The following GNA14 variants were observed in gnomAD, a reference collection of about 807,000 sequenced individuals.
The protein encoded by GNA14 is G protein subunit alpha 14.
In GNA14, 50 loss-of-function variants were observed where a neutral mutation model predicts 42.0. The ratio of observed to expected loss-of-function variants is 1.19; its 90% CI spans 0.95 to 1.51. GNA14 has a LOEUF of 1.51. Among genes scored for constraint, GNA14 ranks in the 40% most tolerant of loss-of-function variants. The probability of loss-of-function intolerance (pLI) is 0.00; values close to 1 mark genes in which losing one functional copy is unlikely to be tolerated. For missense variants in GNA14, 473 were observed against 446.2 expected (o/e 1.06, Z -0.54); for synonymous variants, 173 against 163.1 (o/e 1.06, Z -0.46).
chr9:77,593,319 C>T (rs1416185713), intron 1 of GNA14, among the ~76,000 whole-genome samples: 1 of 148,624 alleles, frequency 6.7e-6, no homozygotes, highest in Non-Finnish European at 1.5e-5. Context: ...GATCAAAATA[C>T]CCTCCCTAAC....
chr9:77,564,497 C>G (rs1822936232), intron 1 of GNA14, among the ~76,000 whole-genome samples: 1 of 151,964 alleles, frequency 6.6e-6, no homozygotes, highest in Non-Finnish European at 1.5e-5. Flanking sequence ...ATTTATTATA[C>G]AAGTTATATA....
At chr9:77,625,755 A>C (rs1824004114) in intron 1 of GNA14, among the ~76,000 whole-genome samples, 1 of 152,208 alleles carries the variant, frequency 6.6e-6, no homozygotes, top group Non-Finnish European at 1.5e-5. Context: ...TGGAAAGGAA[A>C]AACCAGTACC....
chr9:77,531,953 T>C (rs942115032), intron 1 of GNA14, among the ~76,000 whole-genome samples: 1 of 152,218 alleles, frequency 6.6e-6, no homozygotes, highest in Admixed American at 6.5e-5. Flanking sequence ...TTTTAAATTG[T>C]GGTTGTTCAA....
intron 1 of GNA14, among the ~76,000 whole-genome samples, chr9:77,599,595 G>C (rs950550236): frequency 7.2e-5 from 11 of 152,222 alleles, no homozygotes; most frequent in Admixed American, 1.3e-4. Flanking sequence ...GCTGAGTAGA[G>C]GCAAATGCCA....
chr9:77,431,520 A>T, intron 3 of GNA14, 71 bp from the exon 4 acceptor site: 1 of 1,417,408 alleles, frequency 7.1e-7, no homozygotes, highest in African/African-American at 1.4e-5. Context: ...ACTCAAAGGA[A>T]GTCACCCCCC....
At chr9:77,556,896 C>A (rs1323027331) in intron 1 of GNA14, among the ~76,000 whole-genome samples, 1 of 152,124 alleles carries the variant, frequency 6.6e-6, no homozygotes, top group African/African-American at 2.4e-5. Flanking sequence ...TCTTTGAGAG[C>A]CTCTGGCACT....
intron 1 of GNA14, among the ~76,000 whole-genome samples, chr9:77,624,178 C>A (rs546205752): frequency 6.6e-6 from 1 of 152,146 alleles, no homozygotes; most frequent in Admixed American, 6.5e-5. Flanking sequence ...GCAGATCCCC[C>A]CACAGCACTG....
chr9:77,622,075 G>A (rs185059676), intron 1 of GNA14, among the ~76,000 whole-genome samples: 47 of 152,276 alleles, frequency 3.1e-4, no homozygotes, highest in African/African-American at 1.1e-3. Context: ...ACAGGCACAA[G>A]CCACTGCGCC....
At chr9:77,509,472 T>A (rs1837124475) in intron 2 of GNA14, among the ~76,000 whole-genome samples, 1 of 152,362 alleles carries the variant, frequency 6.6e-6, no homozygotes, top group South Asian at 2.1e-4. Context: ...CACCCAAAAG[T>A]GATAATGCTA....
At chr9:77,484,253 T>C (rs1438787810) in intron 2 of GNA14, among the ~76,000 whole-genome samples, 1 of 152,008 alleles carries the variant, frequency 6.6e-6, no homozygotes, top group Non-Finnish European at 1.5e-5. Context: ...AGAGAAAAAA[T>C]GGAATTTATA....
intron 2 of GNA14, among the ~76,000 whole-genome samples, chr9:77,488,798 A>C (rs952522081): frequency 2.7e-5 from 4 of 150,282 alleles, no homozygotes; most frequent in African/African-American, 4.9e-5. Flanking sequence ...AAAAAAAAAA[A>C]AAAAAAAAAA....
intron 1 of GNA14, among the ~76,000 whole-genome samples, chr9:77,615,363 T>C (rs1376334684): frequency 2.0e-5 from 3 of 152,072 alleles, no homozygotes; most frequent in African/African-American, 7.2e-5. Flanking sequence ...ATATGGAATA[T>C]CTGAAACACC....
intron 1 of GNA14, among the ~76,000 whole-genome samples, chr9:77,642,594 T>C (rs1824285444): frequency 6.6e-6 from 1 of 151,956 alleles, no homozygotes; most frequent in Non-Finnish European, 1.5e-5. Context: ...GGTGAAACCC[T>C]GTCTCTACTA....
At chr9:77,533,450 G>T (rs1190878817) in intron 1 of GNA14, among the ~76,000 whole-genome samples, 1 of 152,222 alleles carries the variant, frequency 6.6e-6, no homozygotes, top group African/African-American at 2.4e-5. Flanking sequence ...AAAATGCAAG[G>T]ATTACAGGCG....
intron 2 of GNA14, among the ~76,000 whole-genome samples, chr9:77,519,825 C>A (rs1465940846): frequency 6.6e-6 from 1 of 152,086 alleles, no homozygotes; most frequent in African/African-American, 2.4e-5. Context: ...GCCTGGCCAA[C>A]ATGGCGAAAC....
chr9:77,477,160 G>A (rs77762539), intron 2 of GNA14, among the ~76,000 whole-genome samples: 2,388 of 152,104 alleles, frequency 0.016, 26 homozygotes, highest in Middle Eastern at 0.031. Context: ...AGCTCGAGAC[G>A]AGCCGAGGCA....
At chr9:77,569,566 C>T (rs925998158) in intron 1 of GNA14, among the ~76,000 whole-genome samples, 1 of 152,120 alleles carries the variant, frequency 6.6e-6, no homozygotes, top group Non-Finnish European at 1.5e-5. Flanking sequence ...CAGGAGACCA[C>T]TCGGTATAGT....
At chr9:77,569,525 C>T (rs1250270722) in intron 1 of GNA14, among the ~76,000 whole-genome samples, 1 of 152,106 alleles carries the variant, frequency 6.6e-6, no homozygotes, top group African/African-American at 2.4e-5. Context: ...TCCCCAGGAG[C>T]TTACAAAACG....
At chr9:77,520,519 T>C (rs962493146) in intron 2 of GNA14, among the ~76,000 whole-genome samples, 4 of 152,192 alleles carry the variant, frequency 2.6e-5, no homozygotes, top group Non-Finnish European at 5.9e-5. Context: ...GTGTTTCAAA[T>C]GTTCCCCTTT....
Sources: allele counts gnomAD v4.1 joint callset (sites outside exome capture counted in the v4.1 genomes callset), GRCh38; gene constraint gnomAD v4.1.1; transcripts MANE v1.5; gene names NCBI Gene and HGNC (gene_info 2026-07-23, HGNC 2026-07-21).